Variants in PRKACB observed in about 807,000 individuals in gnomAD.
The protein encoded by PRKACB is cAMP-dependent protein kinase catalytic subunit beta.
PRKACB carries 16 observed loss-of-function variants against 51.4 expected under a neutral mutation model. That is an observed-to-expected ratio of 0.31 (90% CI 0.21 to 0.47). The LOEUF (loss-of-function observed/expected upper bound fraction) is 0.47. Ranked by LOEUF, PRKACB falls within the 20% of genes least tolerant of loss-of-function variation. The pLI is 1.00. For missense variants in PRKACB, 309 were observed against 464.5 expected (o/e 0.67, Z 3.08); for synonymous variants, 147 against 154.4 (o/e 0.95, Z 0.35).
At chr1:84,124,124 A>T (rs573359729) in intron 1 of PRKACB, among the ~76,000 whole-genome samples, 3 of 152,204 alleles carry the variant, frequency 2.0e-5, no homozygotes, top group African/African-American at 4.8e-5. Context: ...TATTGAGTGT[A>T]TACTGTGTGA....
In PRKACB at chr1:84,086,237, G is replaced by A. The variant is rs1647974869; in HGVS notation, c.46+7866G>A. On this transcript the variant is annotated intron_variant, in intron 1 of 8. Coordinates refer to the PRKACB transcript ENST00000370688. Reference sequence around the variant, plus strand: ...CCTGAAGAAGCTGATTGGCTGACAAGCAAGGACAAGTCCTGGTTCCCTTGC... The same window carrying A: ...CCTGAAGAAGCTGATTGGCTGACAAACAAGGACAAGTCCTGGTTCCCTTGC... The A allele has an allele frequency of 3.8e-6, 6 of 1,571,830 alleles. No homozygotes were observed. In the African/African-American group the frequency reaches 5.4e-5, roughly 14 times the overall value.
At chr1:84,092,091 T>A (rs1216260189) in intron 1 of PRKACB, among the ~76,000 whole-genome samples, 1 of 152,184 alleles carries the variant, frequency 6.6e-6, no homozygotes, top group Non-Finnish European at 1.5e-5. Flanking sequence ...AAGTAAAAAT[T>A]TAATTGAAGT....
chr1:84,189,748 C>T (rs567356017), intron 5 of PRKACB, among the ~76,000 whole-genome samples: 2 of 151,986 alleles, frequency 1.3e-5, no homozygotes, highest in Admixed American at 1.3e-4. Context: ...AGAAATTGCA[C>T]TTTGGAAGAT....
intron 1 of PRKACB, chr1:84,164,614 G>A (rs1656801289): frequency 2.2e-6 from 3 of 1,368,944 alleles, no homozygotes; most frequent in Non-Finnish European, 2.9e-6. Flanking sequence ...GATAATTCTG[G>A]TCTAATGTTG....
intron 1 of PRKACB, among the ~76,000 whole-genome samples, chr1:84,081,814 T>C (rs1222386177): frequency 6.6e-6 from 1 of 152,158 alleles, no homozygotes; most frequent in African/African-American, 2.4e-5. Flanking sequence ...GGGTGAAAAG[T>C]GTTGGTAGAG....
At chr1:84,132,079 G>T (rs1296283471) in intron 1 of PRKACB, among the ~76,000 whole-genome samples, 2 of 152,172 alleles carry the variant, frequency 1.3e-5, no homozygotes, top group African/African-American at 2.4e-5. Flanking sequence ...TAGCCTTCCT[G>T]TGTCGGTTTC....
chr1:84,214,835 A>G (rs1192431846), intron 9 of PRKACB, among the ~76,000 whole-genome samples: 1 of 152,120 alleles, frequency 6.6e-6, no homozygotes, highest in East Asian at 1.9e-4. Flanking sequence ...TATTTTGACC[A>G]TCAACCTGAA....
chr1:84,205,914 A>C (rs1455324418), intron 8 of PRKACB, among the ~76,000 whole-genome samples: 1 of 152,166 alleles, frequency 6.6e-6, no homozygotes, highest in Non-Finnish European at 1.5e-5. Context: ...TCCTGCATTA[A>C]CTATGCCTCA....
At chr1:84,118,739 T>C (rs375190682) in intron 1 of PRKACB, among the ~76,000 whole-genome samples, 102 of 152,208 alleles carry the variant, frequency 6.7e-4, no homozygotes, top group African/African-American at 2.3e-3. Flanking sequence ...AACCTAGGAC[T>C]CTGCTTGGAA....
chr1:84,123,739 T>G (rs1651293895), intron 1 of PRKACB, among the ~76,000 whole-genome samples: 1 of 152,170 alleles, frequency 6.6e-6, no homozygotes, highest in Non-Finnish European at 1.5e-5. Flanking sequence ...TAGATTGTTG[T>G]GAGGAATAAA....
intron 7 of PRKACB, among the ~76,000 whole-genome samples, chr1:84,198,725 A>T (rs1206847297): frequency 6.6e-6 from 1 of 151,568 alleles, no homozygotes; most frequent in East Asian, 1.9e-4. Context: ...TCATTATACA[A>T]AATTTAGAAA....
At chr1:84,164,683 A>G (rs183628966) in intron 1 of PRKACB, 5 of 1,392,408 alleles carry the variant, frequency 3.6e-6, no homozygotes, top group Non-Finnish European at 4.7e-6. Flanking sequence ...TGGTTCGAAC[A>G]TTTTCTCCCT....
At chr1:84,146,546 A>G (rs1654107611) in intron 1 of PRKACB, among the ~76,000 whole-genome samples, 1 of 152,016 alleles carries the variant, frequency 6.6e-6, no homozygotes, top group African/African-American at 2.4e-5. Context: ...AAAGTTTCAT[A>G]TGAACCACAT....
chr1:84,127,691 T>C (rs570236713), intron 1 of PRKACB, among the ~76,000 whole-genome samples: 96 of 152,264 alleles, frequency 6.3e-4, no homozygotes, highest in African/African-American at 2.3e-3. Flanking sequence ...TTAGTTCTTA[T>C]TTTCTGTTGG....
chr1:84,104,267 A>G (rs1338226209), intron 1 of PRKACB, among the ~76,000 whole-genome samples: 1 of 152,178 alleles, frequency 6.6e-6, no homozygotes, highest in East Asian at 1.9e-4. Context: ...ACTTAACATA[A>G]CATCCTCTAG....
intron 8 of PRKACB, among the ~76,000 whole-genome samples, chr1:84,212,431 G>A (rs1184879627): frequency 2.0e-5 from 3 of 147,264 alleles, no homozygotes; most frequent in African/African-American, 8.1e-5. Context: ...TTGCATGCAT[G>A]ATTTAACTTC....
intron 5 of PRKACB, among the ~76,000 whole-genome samples, chr1:84,190,191 C>A (rs1267431502): frequency 1.3e-5 from 2 of 151,752 alleles, no homozygotes; most frequent in African/African-American, 4.8e-5. Flanking sequence ...ACTTAAGAAC[C>A]CAATAAGGGA....
At chr1:84,080,846 T>C (rs1262930175) in intron 1 of PRKACB, among the ~76,000 whole-genome samples, 1 of 151,104 alleles carries the variant, frequency 6.6e-6, no homozygotes, top group African/African-American at 2.5e-5. Context: ...AGGAATAGAG[T>C]CTGATGCCTG....
chr1:84,218,792 C>G (rs191970478), intron 9 of PRKACB, among the ~76,000 whole-genome samples: 269 of 152,256 alleles, frequency 1.8e-3, no homozygotes, highest in African/African-American at 6.3e-3. Flanking sequence ...TCCACATCCC[C>G]TCCAGCACTT....
Sources: gnomAD v4.1 joint callset for allele counts (sites outside exome capture counted in the v4.1 genomes callset) on GRCh38, gnomAD v4.1.1 for gene constraint, MANE v1.5 for transcripts, NCBI Gene and HGNC (gene_info 2026-07-23, HGNC 2026-07-21) for gene names.